The following UBE2U variants were observed in gnomAD, a reference collection of about 807,000 sequenced individuals.
UBE2U encodes the protein ubiquitin-conjugating enzyme E2 U.
UBE2U carries 39 observed loss-of-function variants against 41.2 expected under a neutral mutation model. The observed-to-expected ratio is 0.95, with a 90% CI of 0.73 to 1.24. UBE2U has a LOEUF of 1.24. Ranked by LOEUF, UBE2U falls within the 50% of genes most tolerant of loss-of-function variation. The pLI is 0.00. For missense variants in UBE2U, 336 were observed against 363.1 expected, an observed-to-expected ratio of 0.93 and a Z score of 0.61; for synonymous variants, 107 against 117.8, an observed-to-expected ratio of 0.91 and a Z score of 0.60.
chr1:64,214,250 C>G lies in UBE2U; in HGVS notation c.340-565C>G, dbSNP rs377737993. ...AGTACCTACTAGTCATATGTGGCTA[C>G]TGAGCACTTGAAATGTTACCACTGT... On this transcript the variant is annotated intron_variant, in intron 4 of 9. Coordinates refer to ENST00000371077, the MANE Select transcript of UBE2U (RefSeq NM_001366232.2). Among the ~76,000 whole-genome samples the G allele has an allele frequency of 7.2e-5, 11 of 152,296 alleles. No individual in the cohort carries two copies. In the East Asian group the frequency reaches 1.9e-3, roughly 27 times the overall value.
chr1:64,224,591 C>T (rs1016056010), intron 6 of UBE2U, among the ~76,000 whole-genome samples: 7 of 151,972 alleles, frequency 4.6e-5, no homozygotes, highest in Non-Finnish European at 7.4e-5. Context: ...GGCATGGTGG[C>T]GCGTGCCTGT....
In UBE2U at chr1:64,214,943, T is replaced by C; in HGVS notation, c.457+11T>C. 1 of 1,600,460 alleles carries C rather than the reference T, an allele frequency of 6.2e-7. No homozygotes were observed. The highest frequency in any genetic ancestry group is 8.6e-7 in the Non-Finnish European group (1 of 1,167,698). On this transcript the variant is annotated intron_variant, in intron 5 of 9. Coordinates refer to ENST00000371077, the MANE Select transcript of UBE2U (RefSeq NM_001366232.2). ...ACAGGCCATTACAAAGTAAGAAGTA[T>C]CTACTTTTGTTAGGTGCAGTGGCTC... is the stretch of plus-strand genomic sequence containing the variant.
At chr1:64,209,343 C>G (rs1323969255) in intron 3 of UBE2U, among the ~76,000 whole-genome samples, 1 of 151,992 alleles carries the variant, frequency 6.6e-6, no homozygotes, top group African/African-American at 2.4e-5. Context: ...CATCACTCCT[C>G]CTAGAAGTCA....
intron 6 of UBE2U, among the ~76,000 whole-genome samples, chr1:64,229,809 A>T (rs1298686848): frequency 1.3e-5 from 2 of 152,052 alleles, no homozygotes; most frequent in Non-Finnish European, 2.9e-5. Flanking sequence ...TTTTCAAAAT[A>T]CTTACTAACT....
intron 7 of UBE2U, among the ~76,000 whole-genome samples, chr1:64,239,170 AAGAAGAAGAAG>A (rs1403712789): frequency 3.3e-5 from 3 of 91,978 alleles, no homozygotes; most frequent in East Asian, 4.4e-4. Context: ...GAAGAAGAAG[AAGAAGAAGAAG>A]AAGAAGAAGA....
intron 8 of UBE2U, among the ~76,000 whole-genome samples, chr1:64,243,191 G>T (rs1338605902): frequency 7.2e-5 from 11 of 152,128 alleles, no homozygotes. Flanking sequence ...TGGTTGATGA[G>T]AATATATTTA....
chr1:64,263,958 C>T (rs941221719), intron 9 of UBE2U, among the ~76,000 whole-genome samples: 2 of 152,180 alleles, frequency 1.3e-5, no homozygotes, highest in African/African-American at 2.4e-5. Context: ...GTTTCCCACT[C>T]GTGTCAGTGC....
intron 8 of UBE2U, among the ~76,000 whole-genome samples, chr1:64,245,391 C>A (rs544151535): frequency 1.3e-5 from 2 of 152,220 alleles, no homozygotes; most frequent in Admixed American, 1.3e-4. Context: ...ATGTTTGTGC[C>A]ATACTCTAGC....
chr1:64,234,574 C>T (rs1446998424), intron 7 of UBE2U, among the ~76,000 whole-genome samples: 1 of 152,102 alleles, frequency 6.6e-6, no homozygotes, highest in Non-Finnish European at 1.5e-5. Flanking sequence ...AGATCAATAA[C>T]TTTTAAGAAA....
At chr1:64,223,795 A>G (rs1415474474) in intron 6 of UBE2U, among the ~76,000 whole-genome samples, 1 of 152,152 alleles carries the variant, frequency 6.6e-6, no homozygotes, top group African/African-American at 2.4e-5. Flanking sequence ...AGTGGCTTCT[A>G]GAGGCAGAAT....
At chr1:64,247,005 A>T (rs1034056918) in intron 8 of UBE2U, among the ~76,000 whole-genome samples, 1 of 151,802 alleles carries the variant, frequency 6.6e-6, no homozygotes, top group African/African-American at 2.4e-5. Context: ...ATTAGGGCAG[A>T]AAAGAAACTA....
At chr1:64,221,471 C>A (rs897080668) in intron 6 of UBE2U, among the ~76,000 whole-genome samples, 12 of 150,916 alleles carry the variant, frequency 8.0e-5, no homozygotes, top group African/African-American at 2.9e-4. Flanking sequence ...AAAATCAGCA[C>A]AGATCATTAT....
intron 6 of UBE2U, among the ~76,000 whole-genome samples, chr1:64,229,415 T>G (rs1442158500): frequency 6.6e-6 from 1 of 152,162 alleles, no homozygotes; most frequent in Non-Finnish European, 1.5e-5. Flanking sequence ...GCGCTAAACT[T>G]GGCTCTTTTC....
intron 9 of UBE2U, among the ~76,000 whole-genome samples, chr1:64,262,002 G>T (rs1645186532): frequency 6.6e-6 from 1 of 152,120 alleles, no homozygotes; most frequent in African/African-American, 2.4e-5. Flanking sequence ...CTCTGTCTTT[G>T]CAGTGACATT....
At chr1:64,237,338 T>C (rs150253744) in intron 7 of UBE2U, among the ~76,000 whole-genome samples, 233 of 140,838 alleles carry the variant, frequency 1.7e-3, no homozygotes, top group Non-Finnish European at 2.7e-3. Flanking sequence ...GTAGAAGCAA[T>C]GCCCTGGAAG....
intron 8 of UBE2U, among the ~76,000 whole-genome samples, chr1:64,252,262 G>T (rs1227270732): frequency 2.0e-5 from 3 of 152,168 alleles, no homozygotes; most frequent in Non-Finnish European, 4.4e-5. Flanking sequence ...CTGGGATGGA[G>T]CTCCTGAGGG....
intron 6 of UBE2U, among the ~76,000 whole-genome samples, chr1:64,230,025 A>C (rs2100379455): frequency 6.6e-6 from 1 of 152,348 alleles, no homozygotes; most frequent in South Asian, 2.1e-4. Flanking sequence ...TAACAGCAAA[A>C]CGAACCAGAT....
intron 6 of UBE2U, among the ~76,000 whole-genome samples, chr1:64,225,485 G>A (rs189550826): frequency 1.3e-5 from 2 of 152,342 alleles, no homozygotes; most frequent in East Asian, 3.9e-4. Context: ...CTGTTGAACA[G>A]CTTTTAGGAA....
chr1:64,249,699 GA>G (rs1449186583), intron 8 of UBE2U, among the ~76,000 whole-genome samples: 1 of 151,686 alleles, frequency 6.6e-6, no homozygotes, highest in Non-Finnish European at 1.5e-5. Context: ...CCATGAACTT[GA>G]AAGTGTAGCA....
Sources: gnomAD v4.1 joint callset for allele counts (sites outside exome capture counted in the v4.1 genomes callset) on GRCh38, gnomAD v4.1.1 for gene constraint, MANE v1.5 for transcripts, NCBI Gene and HGNC (gene_info 2026-07-23, HGNC 2026-07-21) for gene names.